TTLL2: variants seen among roughly 807,000 people sequenced by gnomAD.
TTLL2 encodes the protein tubulin tyrosine ligase like 2.
A neutral mutation model predicts 7.5 loss-of-function variants in TTLL2; 10 were observed. The ratio of observed to expected loss-of-function variants is 1.33; its 90% confidence interval spans 0.82 to 2.25. The LOEUF is 2.25. Among genes scored for constraint, TTLL2 ranks in the 30% most tolerant of loss-of-function variants. TTLL2 has a pLI of 0.00. For missense variants in TTLL2, 733 were observed against 735.7 expected, an observed-to-expected ratio of 1.00 and a Z score of 0.04; for synonymous variants, 284 against 280.3, an observed-to-expected ratio of 1.01 and a Z score of -0.13.
intron 1 of TTLL2, among the ~76,000 whole-genome samples, chr6:167,330,426 T>C (rs1214201535): frequency 6.6e-6 from 1 of 152,076 alleles, no homozygotes; most frequent in Non-Finnish European, 1.5e-5. Flanking sequence ...CCAGGCGTGG[T>C]GGTGCCCACC....
rs1778831740 is a variant in TTLL2 at position 167,325,163 on chromosome 6, ACCAGCGC to A, written c.-7_-1del. The A allele has an allele frequency of 6.4e-7, 1 of 1,574,414 alleles. No individual in the cohort carries two copies. Among genetic ancestry groups the A allele is most frequent in the South Asian group, 1.2e-5 (1 of 85,472 alleles). On this transcript the variant is annotated 5_prime_UTR_variant, in exon 1 of 3. Transcript: ENST00000239587. ...GAGACCCACAGAGGCCACCCTCGGA[ACCAGCGC>A]CCAATGAGAGGGCGGGACCTGTGTT... is the stretch of plus-strand genomic sequence containing the variant.
rs1051706181 is a variant in TTLL2 at position 167,325,137 on chromosome 6, A to C, written c.-37A>C. 8 of 1,561,896 alleles carry C rather than the reference A, an allele frequency of 5.1e-6. No homozygotes were observed. The highest frequency in any genetic ancestry group is 6.9e-6 in the Non-Finnish European group (8 of 1,154,546). On this transcript the variant is annotated 5_prime_UTR_variant, in exon 1 of 3. Coordinates refer to ENST00000239587, the MANE Select transcript of TTLL2 (RefSeq NM_031949.5). ...TCAGCTGGCGCTGCAGCTGCTGCAC[A>C]GAGACCCACAGAGGCCACCCTCGGA...
At chr6:167,336,236 G>A (rs1778982380) in intron 1 of TTLL2, among the ~76,000 whole-genome samples, 1 of 152,042 alleles carries the variant, frequency 6.6e-6, no homozygotes, top group South Asian at 2.1e-4. Context: ...GCTCTCTACA[G>A]TGGCTGTACT....
chr6:167,328,672 C>T (rs6455545), intron 1 of TTLL2, among the ~76,000 whole-genome samples: 13,000 of 152,178 alleles, frequency 0.085, 1,480 homozygotes, highest in African/African-American at 0.25. Flanking sequence ...AGGACTCTGA[C>T]CTTAGAAGTT....
Position 167,342,676 on chromosome 6 carries a change from A to C in TTLL2, c.*997A>C, listed in dbSNP as rs1474394145. Among the ~76,000 whole-genome samples, 1 of 152,202 alleles carries C rather than the reference A, an allele frequency of 6.6e-6. No individual in the cohort carries two copies. Among genetic ancestry groups the C allele is most frequent in the East Asian group, 1.9e-4 (1 of 5,202 alleles). ...TATGTGTGTTTTACCACAATAAAAA[A>C]GTTAAAAGCTGGCCATGGTGGCTCA... On this transcript the variant is annotated 3_prime_UTR_variant, in exon 3 of 3. Coordinates refer to ENST00000239587, the MANE Select transcript of TTLL2 (RefSeq NM_031949.5).
In TTLL2 at chr6:167,341,007, C is replaced by A; in HGVS notation, c.1107C>A (p.Leu369=). ...SVPFAANCFE[L]FGFDILIDDN... Reference sequence around the variant, plus strand: ...CCTTTGCTGCCAATTGCTTTGAGCTCTTTGGGTTTGATATTTTGATTGATG... The same window carrying A: ...CCTTTGCTGCCAATTGCTTTGAGCTATTTGGGTTTGATATTTTGATTGATG... Residue 369 remains leucine (L), a synonymous_variant, in exon 3 of 3, where the codon CTC becomes CTA. Coordinates refer to ENST00000239587, the MANE Select transcript of TTLL2 (RefSeq NM_031949.5). The A allele has an allele frequency of 4.3e-6, 7 of 1,614,030 alleles. No individual in the cohort carries two copies. The highest frequency in any genetic ancestry group is 5.9e-6 in the Non-Finnish European group (7 of 1,180,004).
At chr6:167,325,308 G>T (rs756915866) in intron 1 of TTLL2, 88 bp downstream of exon 1, 122 of 1,344,510 alleles carry the variant, frequency 9.1e-5, no homozygotes, top group Non-Finnish European at 1.1e-4. Flanking sequence ...GAGCACAGGG[G>T]CCAGGGTCAC....
chr6:167,330,471 G>T (rs1778907154), intron 1 of TTLL2, among the ~76,000 whole-genome samples: 1 of 152,064 alleles, frequency 6.6e-6, no homozygotes, highest in Non-Finnish European at 1.5e-5. Flanking sequence ...TGAGGCAGGA[G>T]AATCGCTTGA....
intron 1 of TTLL2, among the ~76,000 whole-genome samples, chr6:167,336,472 A>T (rs1778984484): frequency 6.6e-6 from 1 of 152,152 alleles, no homozygotes. Flanking sequence ...ATATAAATTA[A>T]GCATATAAAT....
chr6:167,336,824 C>G (rs1276930714), intron 1 of TTLL2, among the ~76,000 whole-genome samples: 1 of 152,248 alleles, frequency 6.6e-6, no homozygotes, highest in Non-Finnish European at 1.5e-5. Flanking sequence ...GGAACATCCT[C>G]AGTCAGCTTT....
intron 1 of TTLL2, among the ~76,000 whole-genome samples, chr6:167,325,991 G>A (rs1250067726): frequency 2.6e-5 from 4 of 152,296 alleles, no homozygotes; most frequent in African/African-American, 7.2e-5. Context: ...CTGCCGGCCT[G>A]TAGCCTCCAC....
chr6:167,337,786 A>C (rs1332410580), intron 1 of TTLL2, among the ~76,000 whole-genome samples: 1 of 151,612 alleles, frequency 6.6e-6, no homozygotes, highest in Non-Finnish European at 1.5e-5. Context: ...CACACACACC[A>C]CACACAACAC....
intron 2 of TTLL2, 113 bp from the exon 3 acceptor site, chr6:167,339,992 G>C (rs1162564142): frequency 8.7e-7 from 1 of 1,154,702 alleles, no homozygotes; most frequent in African/African-American, 1.5e-5. Flanking sequence ...TGCACAGTGG[G>C]AGGGTGGACA....
Position 167,325,142 on chromosome 6 carries a change from C to T in TTLL2, c.-32C>T, listed in dbSNP as rs891188801. ...TGGCGCTGCAGCTGCTGCACAGAGA[C>T]CCACAGAGGCCACCCTCGGAACCAG... On this transcript the variant is annotated 5_prime_UTR_variant, in exon 1 of 3. Transcript: ENST00000239587. 2 of 1,564,604 alleles carry T rather than the reference C, an allele frequency of 1.3e-6. No homozygotes were observed. Among genetic ancestry groups the T allele is most frequent in the Non-Finnish European group, 8.6e-7 (1 of 1,156,154 alleles).
At position 167,340,178 on chromosome 6, in the gene TTLL2, A is replaced by C. The variant is rs1779056294; in HGVS notation, c.278A>C (p.Glu93Ala). Residue 93 changes from glutamate to alanine, a missense_variant, in exon 3 of 3, where the codon GAG (glutamate) becomes GCG (alanine). Physicochemically the swap from Glu to Ala is moderately radical, Grantham distance 107 (BLOSUM62 -1). Transcript: ENST00000239587. ...LLKPLVFRVD[E>A]TTPAVVQSVL... ...AAGCCGCTGGTTTTTCGCGTTGACG[A>C]GACCACCCCGGCTGTGGTGCAAAGC... 1.9e-6 allele frequency: 3 copies of C among 1,612,992 alleles called. No individual in the cohort carries two copies. The highest frequency in any genetic ancestry group is 2.5e-6 in the Non-Finnish European group (3 of 1,179,522).
Position 167,338,647 on chromosome 6 carries a change from A to G in TTLL2, c.48A>G (p.Gly16=). 4.3e-6 allele frequency: 7 copies of G among 1,612,220 alleles called. No homozygotes were observed. Among genetic ancestry groups the G allele is most frequent in the Non-Finnish European group, 5.9e-6 (7 of 1,178,914 alleles). The change falls in exon 2 of 3, where the codon GGA becomes GGG. Residue 16 remains glycine (G), a splice_region_variant and synonymous_variant. Coordinates refer to ENST00000239587, the MANE Select transcript of TTLL2 (RefSeq NM_031949.5). ...LCSSTQSQAL[G]SLRTTTPAFT... ...ATTGTTGATGCTGCTTTGTTCACAG[A>G]TCTTTGAGAACCACCACCCCAGCCT... is the stretch of plus-strand genomic sequence containing the variant.
rs370601211 is a variant in TTLL2 at position 167,340,704 on chromosome 6, G to A, written c.804G>A (p.Leu268=). The part of the protein sequence containing the change: ...IYVCVTGFKP[L]TIYVYQEGLV... ...TTTGTGTTACTGGCTTTAAGCCTTT[G>A]ACCATTTATGTTTATCAGGAAGGGT... The change falls in exon 3 of 3, where the codon TTG becomes TTA. Residue 268 remains leucine (L), a synonymous_variant. Coordinates refer to ENST00000239587, the MANE Select transcript of TTLL2 (RefSeq NM_031949.5). 6.2e-7 allele frequency: 1 copy of A among 1,614,020 alleles called. No individual in the cohort carries two copies. Among genetic ancestry groups the A allele is most frequent in the Non-Finnish European group, 8.5e-7 (1 of 1,180,052 alleles).
intron 1 of TTLL2, chr6:167,328,007 G>A (rs1429594390): frequency 1.1e-5 from 5 of 456,230 alleles, no homozygotes; most frequent in South Asian, 6.2e-5. Context: ...ATTTCAGTTC[G>A]ATGACACCTG....
In TTLL2 at chr6:167,341,656, C is replaced by G; in HGVS notation, c.1756C>G (p.Leu586Val). ...VKRIIQELQK[L>V]MNKQHS is the part of the protein sequence containing the mutation. Reference sequence around the variant, plus strand: ...AAGAATAATCCAAGAGCTCCAGAAACTAATGAATAAGCAACATTCCTAAGT... The same window carrying G: ...AAGAATAATCCAAGAGCTCCAGAAAGTAATGAATAAGCAACATTCCTAAGT... The change falls in exon 3 of 3, where the codon CTA becomes GTA. Residue 586 changes from leucine to valine, a missense_variant. Coordinates refer to ENST00000239587, the MANE Select transcript of TTLL2 (RefSeq NM_031949.5). 6.2e-7 allele frequency: 1 copy of G among 1,609,768 alleles called. No homozygotes were observed. The highest frequency in any genetic ancestry group is 8.5e-7 in the Non-Finnish European group (1 of 1,178,688).
Sources: gnomAD v4.1 joint callset for allele counts (sites outside exome capture counted in the v4.1 genomes callset) on GRCh38, gnomAD v4.1.1 for gene constraint, MANE v1.5 for transcripts, NCBI Gene and HGNC (gene_info 2026-07-23, HGNC 2026-07-21) for gene names.